KCNJ12: variants seen among roughly 807,000 people sequenced by gnomAD.
KCNJ12 encodes the protein potassium inwardly rectifying channel subfamily J member 12.
KCNJ12 carries 2 observed loss-of-function variants against 22.3 expected under a neutral mutation model. That is an observed-to-expected ratio of 0.09 (90% CI 0.04 to 0.28). KCNJ12 has a LOEUF of 0.28. Ranked by LOEUF, KCNJ12 falls within the 10% of genes least tolerant of loss-of-function variation. The pLI is 1.00. For missense variants in KCNJ12, 155 were observed against 633.3 expected (o/e 0.24, Z 8.11); for synonymous variants, 117 against 261.4 (o/e 0.45, Z 5.33).
At chr17:21,399,924 G>C (rs1163892185) in intron 1 of KCNJ12, among the ~76,000 whole-genome samples, 1 of 152,196 alleles carries the variant, frequency 6.6e-6, no homozygotes, top group Non-Finnish European at 1.5e-5. Flanking sequence ...TGTTCCTGAC[G>C]CACAGCAGTT....
chr17:21,411,025 C>G (rs1412824928), intron 2 of KCNJ12, among the ~76,000 whole-genome samples: 39 of 152,408 alleles, frequency 2.6e-4, no homozygotes, highest in Non-Finnish European at 3.4e-4. Flanking sequence ...GGCGCCTCCC[C>G]CTCCGAGTCC....
Position 21,415,597 on chromosome 17 carries a change from C to T in KCNJ12, c.255C>T (p.Leu85=), listed in dbSNP as rs782556827. The change falls in exon 3 of 3, where the codon CTC becomes CTT. Residue 85 remains leucine (L), a synonymous_variant. Transcript: ENST00000583088. ...ACATCCGCTGGCGGTACATGCTGCTCATCTTCTCGCTGGCCTTCCTTGCCT... is the reference window on the plus strand; with the variant it reads ...ACATCCGCTGGCGGTACATGCTGCTTATCTTCTCGCTGGCCTTCCTTGCCT... ...CVDIRWRYML[L]IFSLAFLASW... is the part of the protein sequence containing the mutation. 1.2e-6 allele frequency: 2 copies of T among 1,614,100 alleles called. No individual in the cohort carries two copies. The highest frequency in any genetic ancestry group is 2.2e-5 in the East Asian group (1 of 44,908).
At chr17:21,395,568 C>CAAAAAAAAAAAAAAAAAAAAAA (rs10652801) in intron 1 of KCNJ12, among the ~76,000 whole-genome samples, 45 of 48,112 alleles carry the variant, frequency 9.4e-4, no homozygotes, top group African/African-American at 3.6e-3. Flanking sequence ...GACTTCTTCT[C>CAAAAAAAAAAAAAAAAAAAAAA]AAAAAAAAAA....
chr17:21,418,969 C>G lies in KCNJ12; in HGVS notation c.*2325C>G, dbSNP rs1455364475. ...GAGGTCTGTGCTCTTACCTCCCAGC[C>G]CCCACCCTGCGGGAGAGCAGCCCCA... On this transcript the variant is annotated 3_prime_UTR_variant, in exon 3 of 3. Transcript: ENST00000583088. 3.0e-5 allele frequency: 5 copies of G among 166,946 alleles called. No homozygotes were observed. The highest frequency in any genetic ancestry group is 2.6e-4 in the Admixed American group (4 of 15,288). 10.3% of individuals were successfully genotyped at this position (166,946 alleles called of 1,614,324 possible).
chr17:21,384,146 C>T (rs1445019611), intron 1 of KCNJ12, among the ~76,000 whole-genome samples: 6 of 152,004 alleles, frequency 3.9e-5, no homozygotes, highest in African/African-American at 1.2e-4. Flanking sequence ...TTTTTAAATT[C>T]GTATGGGACC....
At chr17:21,390,587 G>A (rs1285162919) in intron 1 of KCNJ12, among the ~76,000 whole-genome samples, 5 of 152,230 alleles carry the variant, frequency 3.3e-5, no homozygotes, top group African/African-American at 7.2e-5. Context: ...CAATTGCAGG[G>A]TCTGGAGGCT....
chr17:21,381,860 G>A (rs577667123), intron 1 of KCNJ12, among the ~76,000 whole-genome samples: 41 of 152,338 alleles, frequency 2.7e-4, no homozygotes, highest in African/African-American at 9.4e-4. Context: ...CTAAGCGGTA[G>A]GCAGGAGATG....
chr17:21,381,033 A>G (rs1555557861), intron 1 of KCNJ12, among the ~76,000 whole-genome samples: 2 of 152,154 alleles, frequency 1.3e-5, no homozygotes, highest in Non-Finnish European at 2.9e-5. Flanking sequence ...GCCATGCATC[A>G]TTGGACATGG....
At position 21,416,713 on chromosome 17, in the gene KCNJ12, C is replaced by T. The variant is rs5021702; in HGVS notation, c.*69C>T. ...AGGCCCCGCGGTCGCTCAGGGGCCCCGGGTTTGAGCAGAACGGGCCCAGTG... is the reference window on the plus strand; with the variant it reads ...AGGCCCCGCGGTCGCTCAGGGGCCCTGGGTTTGAGCAGAACGGGCCCAGTG... On this transcript the variant is annotated 3_prime_UTR_variant, in exon 3 of 3. Coordinates refer to ENST00000583088, the MANE Select transcript of KCNJ12 (RefSeq NM_021012.5). 152 of 1,490,478 alleles carry T rather than the reference C, an allele frequency of 1.0e-4. No homozygotes were observed. The highest frequency in any genetic ancestry group is 2.5e-4 in the Middle Eastern group (1 of 4,070). 92.3% of individuals were successfully genotyped at this position (1,490,478 alleles called of 1,614,324 possible).
intron 1 of KCNJ12, among the ~76,000 whole-genome samples, chr17:21,386,120 A>G (rs147143459): frequency 6.6e-6 from 1 of 152,372 alleles, no homozygotes; most frequent in Non-Finnish European, 1.5e-5. Flanking sequence ...GGCCTAAAAC[A>G]GTACAAATGC....
intron 2 of KCNJ12, among the ~76,000 whole-genome samples, chr17:21,411,689 C>T (rs1168204313): frequency 6.6e-6 from 1 of 152,310 alleles, no homozygotes; most frequent in African/African-American, 2.4e-5. Context: ...TTCTTGCTTG[C>T]TAAGGCCTCT....
intron 1 of KCNJ12, among the ~76,000 whole-genome samples, chr17:21,387,428 G>C (rs376403018): frequency 3.1e-5 from 4 of 128,238 alleles, no homozygotes; most frequent in African/African-American, 1.3e-4. Flanking sequence ...GCGACAGAGC[G>C]AGACTCTATC....
At chr17:21,405,771 T>G (rs1905892079) in intron 1 of KCNJ12, among the ~76,000 whole-genome samples, 1 of 152,278 alleles carries the variant, frequency 6.6e-6, no homozygotes, top group Admixed American at 6.5e-5. Context: ...TGAGCTCACA[T>G]GGCGGCTGCT....
At chr17:21,400,956 A>G (rs1427757400) in intron 1 of KCNJ12, among the ~76,000 whole-genome samples, 1 of 152,310 alleles carries the variant, frequency 6.6e-6, no homozygotes, top group African/African-American at 2.4e-5. Flanking sequence ...AGCGGTCTGC[A>G]TTGCTATAGG....
chr17:21,405,429 G>A (rs1905872678), intron 1 of KCNJ12: 1 of 152,236 alleles, frequency 6.6e-6, no homozygotes, highest in Non-Finnish European at 1.5e-5. Flanking sequence ...CCACCTCCCA[G>A]AGACCCGCTG....
At chr17:21,382,846 A>G (rs998886337) in intron 1 of KCNJ12, among the ~76,000 whole-genome samples, 5 of 152,154 alleles carry the variant, frequency 3.3e-5, no homozygotes. Flanking sequence ...AGGTAACATG[A>G]GGACTGGCAG....
intron 1 of KCNJ12, among the ~76,000 whole-genome samples, chr17:21,385,619 G>C (rs547231492): frequency 6.6e-6 from 1 of 152,226 alleles, no homozygotes; most frequent in African/African-American, 2.4e-5. Flanking sequence ...CCTCCCTGGG[G>C]GTTGTGTAAC....
intron 1 of KCNJ12, among the ~76,000 whole-genome samples, chr17:21,380,072 C>G (rs1904814452): frequency 6.6e-6 from 1 of 152,174 alleles, no homozygotes; most frequent in Non-Finnish European, 1.5e-5. Flanking sequence ...ACAGACACAC[C>G]CCTCAGGGGC....
chr17:21,379,314 A>G (rs1555557654), intron 1 of KCNJ12, among the ~76,000 whole-genome samples: 1 of 152,148 alleles, frequency 6.6e-6, no homozygotes, highest in East Asian at 1.9e-4. Flanking sequence ...TGAGTGCATC[A>G]TTACTGTCAT....
Sources: gnomAD v4.1 joint callset for allele counts (sites outside exome capture counted in the v4.1 genomes callset) on GRCh38, gnomAD v4.1.1 for gene constraint, MANE v1.5 for transcripts, NCBI Gene and HGNC (gene_info 2026-07-23, HGNC 2026-07-21) for gene names.